PCDHA6: variants seen among roughly 807,000 people sequenced by gnomAD.
PCDHA6 encodes the protein protocadherin alpha-6.
PCDHA6 carries 55 observed loss-of-function variants against 60.3 expected under a neutral mutation model. The observed-to-expected ratio is 0.91, with a 90% CI of 0.73 to 1.14. The LOEUF is 1.14. Ranked by LOEUF, PCDHA6 falls within the 50% of genes most tolerant of loss-of-function variation. The pLI is 0.00. For synonymous variants in PCDHA6, 652 were observed against 557.9 expected, an observed-to-expected ratio of 1.17 and a Z score of -2.38; for missense variants, 1,327 against 1,256.5, an observed-to-expected ratio of 1.06 and a Z score of -0.85.
intron 1 of PCDHA6, chr5:140,884,671 A>G (rs1554181819): frequency 1.3e-6 from 2 of 1,562,846 alleles, no homozygotes; most frequent in African/African-American, 2.7e-5. Context: ...AGGTAAGCTT[A>G]TATTTTAAAA....
At chr5:140,955,240 G>A (rs2095156409) in intron 1 of PCDHA6, among the ~76,000 whole-genome samples, 1 of 152,102 alleles carries the variant, frequency 6.6e-6, no homozygotes, top group African/African-American at 2.4e-5. Flanking sequence ...TTTTGCTTAG[G>A]ATCGGCTTGG....
rs567582281 is a variant in PCDHA6 at position 140,946,595 on chromosome 5, G to C, written c.2395-32354G>C. ...CTTAGGTGTTCATAGTGGATGAATA[G>C]ATAAAGAAAATGTGAAATATATATA... On this transcript the variant is annotated intron_variant, in intron 1 of 3. Transcript: ENST00000529310. Among the ~76,000 whole-genome samples, 13 of 108,580 alleles carry C rather than the reference G, an allele frequency of 1.2e-4. No homozygotes were observed. In the South Asian group the frequency reaches 1.5e-3, roughly 12 times the overall value. 71.2% of individuals were successfully genotyped at this position (108,580 alleles called of 152,430 possible).
At chr5:140,915,362 A>C (rs2077085780) in intron 1 of PCDHA6, among the ~76,000 whole-genome samples, 2 of 152,274 alleles carry the variant, frequency 1.3e-5, no homozygotes, top group East Asian at 3.9e-4. Flanking sequence ...TATTCTTACC[A>C]GTAAGTGTCT....
intron 1 of PCDHA6, among the ~76,000 whole-genome samples, chr5:140,921,417 A>C (rs1292321863): frequency 6.6e-6 from 1 of 152,210 alleles, no homozygotes; most frequent in Non-Finnish European, 1.5e-5. Flanking sequence ...TCTGTGCTGC[A>C]GACAAAAATT....
chr5:140,876,456 TTCC>T, intron 1 of PCDHA6: 1 of 1,614,050 alleles, frequency 6.2e-7, no homozygotes, highest in Non-Finnish European at 8.5e-7. Flanking sequence ...AAGGGATTCC[TTCC>T]ATGGCAGGTC....
intron 1 of PCDHA6, among the ~76,000 whole-genome samples, chr5:140,921,987 G>T (rs1414139435): frequency 6.6e-6 from 1 of 151,868 alleles, no homozygotes; most frequent in Non-Finnish European, 1.5e-5. Context: ...AACTAAAAAA[G>T]AGTTCAATGA....
At chr5:140,925,906 G>A (rs1181128933) in intron 1 of PCDHA6, among the ~76,000 whole-genome samples, 1 of 151,830 alleles carries the variant, frequency 6.6e-6, no homozygotes, top group Non-Finnish European at 1.5e-5. Context: ...ATCGTCAAGG[G>A]CCGTTTGCAA....
chr5:140,843,697 T>G, intron 1 of PCDHA6: 1 of 1,583,576 alleles, frequency 6.3e-7, no homozygotes, highest in Non-Finnish European at 8.7e-7. Flanking sequence ...AAGATTTAAA[T>G]GTTGATCATG....
At chr5:140,881,191 T>C (rs564115136) in intron 1 of PCDHA6, 2 of 170,408 alleles carry the variant, frequency 1.2e-5, no homozygotes, top group African/African-American at 4.8e-5. Context: ...AAAGATATGT[T>C]AACATCTTTG....
At chr5:140,851,290 G>A (rs2042014989) in intron 1 of PCDHA6, 2 of 1,033,710 alleles carry the variant, frequency 1.9e-6, no homozygotes, top group Non-Finnish European at 2.4e-6. Flanking sequence ...AGAAACCCAA[G>A]CAAAAATATA....
chr5:140,997,357 A>G (rs1309712075), intron 3 of PCDHA6, among the ~76,000 whole-genome samples: 1 of 152,218 alleles, frequency 6.6e-6, no homozygotes, highest in Non-Finnish European at 1.5e-5. Flanking sequence ...ATGTACTTAC[A>G]TAAACCTAGA....
intron 1 of PCDHA6, among the ~76,000 whole-genome samples, chr5:140,931,837 G>A (rs1422066331): frequency 6.6e-6 from 1 of 151,798 alleles, no homozygotes; most frequent in Non-Finnish European, 1.5e-5. Flanking sequence ...TATCCTGAAT[G>A]CCTTAATAAC....
At chr5:140,844,618 A>G (rs1230516172) in intron 1 of PCDHA6, among the ~76,000 whole-genome samples, 4 of 149,532 alleles carry the variant, frequency 2.7e-5, no homozygotes, top group African/African-American at 9.8e-5. Context: ...AAATGTTTTC[A>G]TCAGAAAAAC....
intron 1 of PCDHA6, among the ~76,000 whole-genome samples, chr5:140,898,053 A>C (rs1444652933): frequency 1.3e-5 from 2 of 151,746 alleles, no homozygotes; most frequent in Admixed American, 1.3e-4. Context: ...TTTTTCTTGT[A>C]AATTTGTTTG....
At chr5:140,931,023 T>C (rs146623712) in intron 1 of PCDHA6, among the ~76,000 whole-genome samples, 1 of 152,322 alleles carries the variant, frequency 6.6e-6, no homozygotes, top group African/African-American at 2.4e-5. Context: ...AATTTTCTGA[T>C]TGTAGAGCTA....
intron 1 of PCDHA6, chr5:140,843,100 G>C: frequency 6.3e-7 from 1 of 1,595,760 alleles, no homozygotes; most frequent in East Asian, 2.2e-5. Flanking sequence ...TGGTAGCGAA[G>C]GTGCGCGCAG....
At chr5:140,906,917 C>T (rs2073040753) in intron 1 of PCDHA6, among the ~76,000 whole-genome samples, 1 of 152,114 alleles carries the variant, frequency 6.6e-6, no homozygotes, top group Non-Finnish European at 1.5e-5. Context: ...AGGAGGAGCC[C>T]AAAAAGTGTC....
intron 2 of PCDHA6, 29 bp downstream of exon 2, chr5:140,979,036 A>G: frequency 6.2e-7 from 1 of 1,613,064 alleles, no homozygotes. Context: ...ATTCACTCAG[A>G]AGTAACCTTA....
chr5:140,956,678 A>C (rs1442214825), intron 1 of PCDHA6, among the ~76,000 whole-genome samples: 2 of 152,104 alleles, frequency 1.3e-5, no homozygotes, highest in Non-Finnish European at 2.9e-5. Context: ...GTTAGGGAGG[A>C]GTACCTCCTT....
Sources: allele counts gnomAD v4.1 joint callset (sites outside exome capture counted in the v4.1 genomes callset), GRCh38; gene constraint gnomAD v4.1.1; transcripts MANE v1.5; gene names NCBI Gene and HGNC (gene_info 2026-07-23, HGNC 2026-07-21).